ALCAM: variants seen among roughly 807,000 people sequenced by gnomAD.
ALCAM encodes the protein activated leukocyte cell adhesion molecule.
A neutral mutation model predicts 70.9 loss-of-function variants in ALCAM; 30 were observed. The ratio of observed to expected loss-of-function variants is 0.42; its 90% CI spans 0.32 to 0.57. The LOEUF is 0.57. Ranked by LOEUF, ALCAM falls within the 20% of genes least tolerant of loss-of-function variation. The probability of loss-of-function intolerance (pLI) is 0.11; values close to 1 mark genes in which losing one functional copy is unlikely to be tolerated. For missense variants in ALCAM, 591 were observed against 695.1 expected, an observed-to-expected ratio of 0.85 and a Z score of 1.68; for synonymous variants, 249 against 242.5, an observed-to-expected ratio of 1.03 and a Z score of -0.25.
intron 1 of ALCAM, among the ~76,000 whole-genome samples, chr3:105,466,246 TAGTA>T (rs984651590): frequency 2.0e-5 from 3 of 151,378 alleles, no homozygotes; most frequent in Non-Finnish European, 4.4e-5. Flanking sequence ...TTGCTCCACC[TAGTA>T]AGTGTCTTTC....
At chr3:105,373,866 A>G (rs990069525) in intron 1 of ALCAM, among the ~76,000 whole-genome samples, 3 of 152,232 alleles carry the variant, frequency 2.0e-5, no homozygotes, top group African/African-American at 7.2e-5. Flanking sequence ...TTCATGCATT[A>G]CTAAGAAATT....
chr3:105,368,264 A>AGAGAGAGAGAGAGAG (rs1559767087), intron 1 of ALCAM, among the ~76,000 whole-genome samples: 422 of 141,850 alleles, frequency 3.0e-3, no homozygotes, highest in South Asian at 6.4e-3. Flanking sequence ...AGAGAGAGAG[A>AGAGAGAGAGAGAGAG]AAAGGCAAAA....
chr3:105,403,103 C>T (rs539047462), intron 1 of ALCAM, among the ~76,000 whole-genome samples: 5 of 152,030 alleles, frequency 3.3e-5, no homozygotes, highest in East Asian at 1.9e-4. Flanking sequence ...CCCGCCACCA[C>T]GCCCAGCCAA....
intron 1 of ALCAM, among the ~76,000 whole-genome samples, chr3:105,464,144 G>A (rs1019392379): frequency 3.3e-5 from 5 of 151,122 alleles, no homozygotes; most frequent in Admixed American, 1.3e-4. Context: ...TGTCTTGTCC[G>A]ACTATATTAT....
intron 1 of ALCAM, among the ~76,000 whole-genome samples, chr3:105,474,770 G>C (rs540537619): frequency 6.6e-6 from 1 of 151,572 alleles, no homozygotes; most frequent in Non-Finnish European, 1.5e-5. Context: ...AAATTTAAAT[G>C]TTTAATAGTT....
intron 1 of ALCAM, among the ~76,000 whole-genome samples, chr3:105,466,472 T>G (rs1184929339): frequency 6.6e-6 from 1 of 151,432 alleles, no homozygotes; most frequent in Non-Finnish European, 1.5e-5. Context: ...GTACAAGAAG[T>G]GTTTAAGTGC....
At chr3:105,501,044 A>G (rs1194087606) in intron 1 of ALCAM, among the ~76,000 whole-genome samples, 1 of 152,148 alleles carries the variant, frequency 6.6e-6, no homozygotes, top group Admixed American at 6.5e-5. Context: ...TTAAAGTTTG[A>G]TTATGTTGTT....
intron 1 of ALCAM, among the ~76,000 whole-genome samples, chr3:105,453,968 C>T (rs1937495198): frequency 6.6e-6 from 1 of 152,072 alleles, no homozygotes; most frequent in South Asian, 2.1e-4. Context: ...CAGGATACAG[C>T]TTCAAATTCT....
intron 14 of ALCAM, among the ~76,000 whole-genome samples, chr3:105,555,921 A>C (rs1411390530): frequency 6.6e-6 from 1 of 151,902 alleles, no homozygotes; most frequent in East Asian, 1.9e-4. Flanking sequence ...TTTGATGACG[A>C]GAATAGATGA....
At chr3:105,374,141 T>C (rs1426155616) in intron 1 of ALCAM, among the ~76,000 whole-genome samples, 1 of 152,246 alleles carries the variant, frequency 6.6e-6, no homozygotes, top group Non-Finnish European at 1.5e-5. Flanking sequence ...TTATACTTAA[T>C]GAATCCAAAC....
At chr3:105,414,525 AGT>A (rs1936462691) in intron 1 of ALCAM, among the ~76,000 whole-genome samples, 1 of 152,168 alleles carries the variant, frequency 6.6e-6, no homozygotes. Context: ...TCCTTATGCA[AGT>A]GACCTAGAAA....
At chr3:105,551,130 A>G (rs1455730527) in intron 12 of ALCAM, among the ~76,000 whole-genome samples, 1 of 151,596 alleles carries the variant, frequency 6.6e-6, no homozygotes, top group African/African-American at 2.4e-5. Flanking sequence ...GAGCTAGGAG[A>G]AAATAATCAT....
chr3:105,420,024 A>G (rs577185727), intron 1 of ALCAM, among the ~76,000 whole-genome samples: 5 of 151,834 alleles, frequency 3.3e-5, no homozygotes, highest in African/African-American at 1.2e-4. Context: ...TTTTATATAT[A>G]CAAGCACAAA....
At chr3:105,373,002 C>G (rs917087449) in intron 1 of ALCAM, among the ~76,000 whole-genome samples, 37 of 152,262 alleles carry the variant, frequency 2.4e-4, no homozygotes, top group African/African-American at 8.7e-4. Flanking sequence ...TTGTTTAGCT[C>G]TGCAAAATCA....
intron 1 of ALCAM, among the ~76,000 whole-genome samples, chr3:105,443,742 G>T (rs1209390030): frequency 2.0e-5 from 3 of 152,134 alleles, no homozygotes; most frequent in African/African-American, 4.8e-5. Context: ...TAAACTTGCT[G>T]ACATGAATAA....
intron 1 of ALCAM, among the ~76,000 whole-genome samples, chr3:105,472,230 A>G (rs1937955392): frequency 6.6e-6 from 1 of 151,286 alleles, no homozygotes; most frequent in South Asian, 2.1e-4. Context: ...ACTGATGCTC[A>G]TTCCTTTATG....
At chr3:105,426,071 A>G (rs1367754031) in intron 1 of ALCAM, among the ~76,000 whole-genome samples, 1 of 151,850 alleles carries the variant, frequency 6.6e-6, no homozygotes, top group Admixed American at 6.6e-5. Flanking sequence ...TATGTTTCAC[A>G]TGTTAAAGTT....
chr3:105,483,609 C>A (rs913189125), intron 1 of ALCAM, among the ~76,000 whole-genome samples: 2 of 152,046 alleles, frequency 1.3e-5, no homozygotes, highest in Non-Finnish European at 2.9e-5. Flanking sequence ...TGAGCAATTG[C>A]AAATGTGGGG....
At chr3:105,573,908 C>A (rs985342872) in intron 15 of ALCAM, among the ~76,000 whole-genome samples, 1 of 152,090 alleles carries the variant, frequency 6.6e-6, no homozygotes, top group African/African-American at 2.4e-5. Flanking sequence ...ATAATTGAAA[C>A]AAGACTTGGT....
Sources: allele counts gnomAD v4.1 joint callset (sites outside exome capture counted in the v4.1 genomes callset), GRCh38; gene constraint gnomAD v4.1.1; transcripts MANE v1.5; gene names NCBI Gene and HGNC (gene_info 2026-07-23, HGNC 2026-07-21).